The following TOMM20 variants were observed in gnomAD, a reference collection of about 807,000 sequenced individuals.
TOMM20 encodes translocase of outer mitochondrial membrane 20.
TOMM20 carries 10 observed loss-of-function variants against 22.1 expected under a neutral mutation model. That is an observed-to-expected ratio of 0.45 (90% CI 0.28 to 0.77). The LOEUF (loss-of-function observed/expected upper bound fraction) is 0.77. Among genes scored for constraint, TOMM20 ranks in the 30% least tolerant of loss-of-function variants. The pLI is 0.13. For synonymous variants in TOMM20, 55 were observed against 61.4 expected, an observed-to-expected ratio of 0.90 and a Z score of 0.49; for missense variants, 121 against 172.2, an observed-to-expected ratio of 0.70 and a Z score of 1.66.
At chr1:235,114,525 T>C (rs1468751299) in intron 3 of TOMM20, among the ~76,000 whole-genome samples, 2 of 148,794 alleles carry the variant, frequency 1.3e-5, no homozygotes, top group Non-Finnish European at 3.0e-5. Flanking sequence ...CAGGCTCTGC[T>C]CCCCAGGGTT....
intron 1 of TOMM20, among the ~76,000 whole-genome samples, chr1:235,124,121 C>T (rs985068952): frequency 4.6e-5 from 7 of 152,182 alleles, no homozygotes; most frequent in African/African-American, 1.7e-4. Context: ...CCAAGGCGGG[C>T]GGATCACTGG....
chr1:235,119,828 TA>T lies in TOMM20; in HGVS notation c.239del (p.Leu80TyrfsTer2). ...TTCAATGACTATTACCTTGAGCTAG[TA>T]ACTCTTCACCAAGCTGTATTTCTTC... ...FLEEIQLGEE[L>X]LAQGEYEKGV... On this transcript the variant is annotated frameshift_variant, in exon 3 of 5. Coordinates refer to ENST00000366607, the MANE Select transcript of TOMM20 (RefSeq NM_014765.3). LOFTEE classifies it high-confidence loss of function. 1 of 1,610,830 alleles carries T rather than the reference TA, an allele frequency of 6.2e-7. No homozygotes were observed. The highest frequency in any genetic ancestry group is 8.5e-7 in the Non-Finnish European group (1 of 1,177,698).
chr1:235,116,526 G>C (rs1481890458), intron 3 of TOMM20, among the ~76,000 whole-genome samples: 1 of 146,926 alleles, frequency 6.8e-6, no homozygotes, highest in Non-Finnish European at 1.5e-5. Context: ...GAAAGAGTGA[G>C]ACTCCATCTC....
chr1:235,119,487 C>T (rs996217254), intron 3 of TOMM20: 2 of 171,300 alleles, frequency 1.2e-5, no homozygotes, highest in East Asian at 3.0e-4. Context: ...ATTTACATAT[C>T]GCACTATGGC....
rs1007345145 is a variant in TOMM20 at position 235,116,977 on chromosome 1, T to C, written c.250+2841A>G. On this transcript the variant is annotated intron_variant, in intron 3 of 4. Transcript: ENST00000366607. ...GGTGAAACCCCGTCTCTACTAAAAA[T>C]ACAAAAAACTAGCCGGGCGTGGTGG... 5.4e-5 allele frequency among the ~76,000 whole-genome samples: 8 copies of C among 147,174 alleles called. No individual in the cohort carries two copies. In the South Asian group the frequency reaches 6.5e-4, roughly 12 times the overall value.
intron 3 of TOMM20, among the ~76,000 whole-genome samples, chr1:235,116,019 G>A (rs1055806209): frequency 2.6e-5 from 4 of 152,134 alleles, no homozygotes; most frequent in African/African-American, 9.7e-5. Flanking sequence ...AGTGAATAAC[G>A]AGCTGTCCTT....
chr1:235,112,142 C>A, intron 4 of TOMM20, 34 bp from the exon 5 acceptor site: 1 of 1,517,336 alleles, frequency 6.6e-7, no homozygotes, highest in South Asian at 1.2e-5. Context: ...TTTAAAGTGT[C>A]ATAAGCATTT....
chr1:235,113,043 G>A (rs910285616), intron 4 of TOMM20, among the ~76,000 whole-genome samples: 1 of 152,106 alleles, frequency 6.6e-6, no homozygotes, highest in African/African-American at 2.4e-5. Flanking sequence ...TAACTATAAA[G>A]TTCTGTAAAT....
chr1:235,122,240 A>G (rs1660942267), intron 2 of TOMM20, 86 bp downstream of exon 2: 4 of 1,250,774 alleles, frequency 3.2e-6, no homozygotes, highest in African/African-American at 1.6e-5. Flanking sequence ...GCTTTTTCCA[A>G]TTACATTTTA....
intron 4 of TOMM20, among the ~76,000 whole-genome samples, 180 bp from the exon 5 acceptor site, chr1:235,112,288 T>C (rs114548643): frequency 0.011 from 1,731 of 152,314 alleles, 30 homozygotes; most frequent in African/African-American, 0.036. Flanking sequence ...ACAATGATCA[T>C]ACTACTGACA....
chr1:235,125,060 T>C (rs543441290), intron 1 of TOMM20, among the ~76,000 whole-genome samples: 2 of 152,324 alleles, frequency 1.3e-5, no homozygotes, highest in East Asian at 1.9e-4. Context: ...CAAATTACAT[T>C]TCATTTACTC....
chr1:235,126,206 G>A (rs967661389), intron 1 of TOMM20, among the ~76,000 whole-genome samples: 1 of 151,738 alleles, frequency 6.6e-6, no homozygotes, highest in African/African-American at 2.4e-5. Flanking sequence ...TGCAGTCTCT[G>A]CTCACTGCAA....
rs1364680083 is a variant in TOMM20, at chr1:235,122,385, CAA to C, written c.122-15_122-14del. ...TGTTTCTTTCTTCCTGCAAGAAATG[CAA>C]AGTTATATTTACATTTTGTCATTAT... On this transcript the variant is annotated splice_polypyrimidine_tract_variant and intron_variant, in intron 1 of 4. Transcript: ENST00000366607. 1.9e-6 allele frequency: 3 copies of C among 1,577,452 alleles called. No homozygotes were observed. Among genetic ancestry groups the C allele is most frequent in the Non-Finnish European group, 2.6e-6 (3 of 1,165,368 alleles).
Position 235,119,858 on chromosome 1 carries a change from G to C in TOMM20, c.210C>G (p.Phe70Leu). ...LKDAEAVQKF[F>L]LEEIQLGEEL... is the part of the protein sequence containing the mutation. ...CTTCACCAAGCTGTATTTCTTCAAG[G>C]AAGAACTTCTGAACAGCTTCAGCAT... The change falls in exon 3 of 5, where the codon TTC (phenylalanine) becomes TTG (leucine). Residue 70 changes from phenylalanine to leucine, a missense_variant. Coordinates refer to ENST00000366607, the MANE Select transcript of TOMM20 (RefSeq NM_014765.3). The C allele has an allele frequency of 6.2e-7, 1 of 1,612,440 alleles. No individual in the cohort carries two copies. Among genetic ancestry groups the C allele is most frequent in the Non-Finnish European group, 8.5e-7 (1 of 1,179,066 alleles).
intron 1 of TOMM20, among the ~76,000 whole-genome samples, chr1:235,125,297 C>A (rs1428761993): frequency 6.6e-6 from 1 of 152,214 alleles, no homozygotes; most frequent in African/African-American, 2.4e-5. Context: ...TCACTGTAAG[C>A]TCCGCCTCCC....
intron 3 of TOMM20, among the ~76,000 whole-genome samples, chr1:235,114,832 A>G (rs781590911): frequency 3.9e-5 from 6 of 152,078 alleles, no homozygotes; most frequent in Non-Finnish European, 7.4e-5. Context: ...TCAATAAATA[A>G]TAAGTATCTG....
chr1:235,117,936 T>C (rs2102809907), intron 3 of TOMM20, among the ~76,000 whole-genome samples: 1 of 152,284 alleles, frequency 6.6e-6, no homozygotes, highest in South Asian at 2.1e-4. Context: ...GCCAATTCCT[T>C]TCCCAGGTAT....
intron 1 of TOMM20, among the ~76,000 whole-genome samples, chr1:235,126,320 T>TG (rs985155284): frequency 6.7e-6 from 1 of 148,620 alleles, no homozygotes; most frequent in Non-Finnish European, 1.5e-5. Context: ...TTTAGCAGAG[T>TG]GGGGGTTTCA....
At chr1:235,121,861 T>C (rs1660936441) in intron 2 of TOMM20, among the ~76,000 whole-genome samples, 1 of 152,360 alleles carries the variant, frequency 6.6e-6, no homozygotes, top group East Asian at 1.9e-4. Context: ...CAGAACTATG[T>C]ACTGCAACAA....
Sources: allele counts gnomAD v4.1 joint callset (sites outside exome capture counted in the v4.1 genomes callset), GRCh38; gene constraint gnomAD v4.1.1; transcripts MANE v1.5; gene names NCBI Gene and HGNC (gene_info 2026-07-23, HGNC 2026-07-21).